Variants in CGN observed in about 807,000 individuals in gnomAD.
CGN encodes the protein cingulin.
A neutral mutation model predicts 157.1 loss-of-function variants in CGN; 121 were observed. The ratio of observed to expected loss-of-function variants is 0.77; its 90% CI spans 0.66 to 0.90. The LOEUF is 0.90. CGN is among the 40% of genes least tolerant of loss of function. CGN has a pLI of 0.00. For synonymous variants in CGN, 535 were observed against 607.5 expected (o/e 0.88, Z 1.76); for missense variants, 1,424 against 1,520.9 (o/e 0.94, Z 1.06).
chr1:151,529,303 C>G, intron 10 of CGN, 47 bp from the exon 11 acceptor site: 2 of 1,522,620 alleles, frequency 1.3e-6, no homozygotes, highest in Non-Finnish European at 1.8e-6. Context: ...ATTCAGGTAT[C>G]TTAGTCTGGC....
chr1:151,513,513 G>A (rs1379347476), intron 1 of CGN, among the ~76,000 whole-genome samples: 1 of 152,158 alleles, frequency 6.6e-6, no homozygotes, highest in African/African-American at 2.4e-5. Flanking sequence ...TGCTTTCCTT[G>A]TTTCCTCTGA....
Position 151,531,143 on chromosome 1 carries a change from GA to G in CGN, c.2571+410del, listed in dbSNP as rs1034896438. 5.2e-3 allele frequency among the ~76,000 whole-genome samples: 711 copies of G among 136,408 alleles called. 4 individuals are homozygous for G. Among genetic ancestry groups the G allele is most frequent in the African/African-American group, 0.015 (570 of 37,238 alleles). 89.5% of individuals were successfully genotyped at this position (136,408 alleles called of 152,430 possible). A position where few individuals can be genotyped will look rare whatever the true frequency, so the allele number is the denominator to read the frequency against. On this transcript the variant is annotated intron_variant, in intron 13 of 20. Transcript: ENST00000271636. The stretch of plus-strand genomic sequence containing the variant: ...GTGACAGAGCAAGACTCTGTCTTAA[GA>G]AAAAAAAAAAAAGAATGTGTGATGT...
intron 20 of CGN, 85 bp from the exon 21 acceptor site, chr1:151,537,120 T>C: frequency 6.8e-7 from 1 of 1,463,176 alleles, no homozygotes. Flanking sequence ...CTTAGAAGAA[T>C]TGGGGTTTCC....
At chr1:151,531,120 G>T (rs1023376213) in intron 13 of CGN, among the ~76,000 whole-genome samples, 3 of 151,594 alleles carry the variant, frequency 2.0e-5, no homozygotes, top group African/African-American at 7.3e-5. Flanking sequence ...CAGCCTGGGT[G>T]ACAGAGCAAG....
At chr1:151,529,308 T>G (rs997548250) in intron 10 of CGN, 42 bp from the exon 11 acceptor site, 2 of 1,547,826 alleles carry the variant, frequency 1.3e-6, no homozygotes, top group African/African-American at 1.4e-5. Flanking sequence ...GGTATCTTAG[T>G]CTGGCTCTGG....
At chr1:151,520,335 C>A in intron 3 of CGN, 69 bp downstream of exon 3, 1 of 1,568,948 alleles carries the variant, frequency 6.4e-7, no homozygotes, top group African/African-American at 1.4e-5. Context: ...TGTTTCCCAT[C>A]TTCCCTGATT....
intron 20 of CGN, 67 bp from the exon 21 acceptor site, chr1:151,537,138 A>G: frequency 6.5e-7 from 1 of 1,531,384 alleles, no homozygotes; most frequent in Non-Finnish European, 8.8e-7. Context: ...TCCTTTGTAC[A>G]AAAAGGGTGG....
intron 16 of CGN, among the ~76,000 whole-genome samples, chr1:151,535,348 C>T (rs1448044508): frequency 6.6e-6 from 1 of 152,144 alleles, no homozygotes; most frequent in East Asian, 1.9e-4. Flanking sequence ...TCCTGGTGGC[C>T]TGGGCTGTTC....
chr1:151,526,664 G>A (rs1286971401), intron 9 of CGN, among the ~76,000 whole-genome samples: 2 of 152,016 alleles, frequency 1.3e-5, no homozygotes, highest in South Asian at 4.1e-4. Context: ...TGTAGAGACG[G>A]GGTTTCATTA....
chr1:151,512,587 T>C (rs1048016589), intron 1 of CGN, among the ~76,000 whole-genome samples: 3 of 152,174 alleles, frequency 2.0e-5, no homozygotes, highest in African/African-American at 7.2e-5. Context: ...AAGGTGCACC[T>C]TGGGGCCCAG....
chr1:151,519,492 C>T (rs1664492482), intron 2 of CGN, 100 bp downstream of exon 2: 1 of 1,098,402 alleles, frequency 9.1e-7, no homozygotes, highest in African/African-American at 1.6e-5. Context: ...ATTCAAATAG[C>T]CTAGGCAGAA....
intron 1 of CGN, among the ~76,000 whole-genome samples, chr1:151,514,653 T>C (rs1296125049): frequency 6.6e-6 from 1 of 152,102 alleles, no homozygotes; most frequent in African/African-American, 2.4e-5. Flanking sequence ...GCTTATTATC[T>C]CGTAGGGGAG....
In CGN at chr1:151,534,008, C is replaced by T; in HGVS notation, c.2776C>T (p.Gln926Ter). ...QRLRQALQAS[Q>*]AERDTARLDK... is the part of the protein sequence containing the mutation. The stretch of plus-strand genomic sequence containing the variant: ...GCTGCGGCAGGCCCTGCAGGCATCC[C>T]AGGCTGAGCGGGACACAGCCCGGCT... The change falls in exon 15 of 21, where the codon CAG (glutamine) becomes TAG (stop). Residue 926 changes from glutamine to a stop codon, truncating the protein, a stop_gained. Coordinates refer to ENST00000271636, the MANE Select transcript of CGN (RefSeq NM_020770.3). LOFTEE classifies it high-confidence loss of function. 6.2e-7 allele frequency: 1 copy of T among 1,612,526 alleles called. No homozygotes were observed. The highest frequency in any genetic ancestry group is 8.5e-7 in the Non-Finnish European group (1 of 1,179,754).
rs762039462 is a variant in CGN, at chr1:151,530,100, G to C, written c.2298G>C (p.Lys766Asn). 1 of 1,612,324 alleles carries C rather than the reference G, an allele frequency of 6.2e-7. No homozygotes were observed. The highest frequency in any genetic ancestry group is 1.1e-5 in the South Asian group (1 of 91,016). ...GEAVEARLRD[K>N]LQRLEAEKQQ... is the part of the protein sequence containing the mutation. ...CGGTGGAGGCACGACTACGGGACAA[G>C]CTGCAGCGGCTGGAGGTCAGTGGTT... The change falls in exon 12 of 21, where the codon AAG becomes AAC. Residue 766 changes from lysine to asparagine, a missense_variant. Coordinates refer to ENST00000271636, the MANE Select transcript of CGN (RefSeq NM_020770.3).
Position 151,532,561 on chromosome 1 carries a change from C to A in CGN, c.2731C>A (p.Leu911Ile). ...GAAGACCTCTGGAGGACTGAGCCGACTTCAGGATGAGGTAGAAGTCTAATA... is the reference window on the plus strand; with the variant it reads ...GAAGACCTCTGGAGGACTGAGCCGAATTCAGGATGAGGTAGAAGTCTAATA... ...AEKTSGGLSR[L>I]QDEIQRLRQA... The change falls in exon 14 of 21, where the codon CTT becomes ATT. Residue 911 changes from leucine (L) to isoleucine (I), a missense_variant. This residue lies in a region of CGN where 1,187 missense variants were observed against 1,217.6 expected (regional missense o/e 0.97). Transcript: ENST00000271636. The A allele has an allele frequency of 3.3e-6, 5 of 1,526,102 alleles. No individual in the cohort carries two copies. The South Asian group carries it at 6.2e-5, about 19-fold the overall frequency. 94.5% of individuals were successfully genotyped at this position (1,526,102 alleles called of 1,614,324 possible).
At chr1:151,534,478 A>G in intron 15 of CGN, 1 of 301,486 alleles carries the variant, frequency 3.3e-6, no homozygotes, top group South Asian at 3.3e-5. Context: ...CAGCAAACAT[A>G]TTGTGCTGTG....
At chr1:151,529,701 A>G in intron 11 of CGN, 142 bp downstream of exon 11, 1 of 871,806 alleles carries the variant, frequency 1.1e-6, no homozygotes, top group Non-Finnish European at 1.8e-6. Flanking sequence ...CAAAGAAGCC[A>G]GGATTTGGCA....
chr1:151,526,731 C>T (rs1477816933), intron 9 of CGN, among the ~76,000 whole-genome samples: 1 of 152,214 alleles, frequency 6.6e-6, no homozygotes, highest in Non-Finnish European at 1.5e-5. Context: ...GCCTTGGCCT[C>T]CCAAATTGCT....
Position 151,536,341 on chromosome 1 carries a change from AC to A in CGN, c.3304del (p.Gln1102SerfsTer2). ...DERQHVNDQK[D>X]QLSLRVKALK... ...CGGCAGCATGTCAATGACCAGAAAGACCAGGTGAGGACATGGCACCCTGGAG... is the reference window on the plus strand; with the variant it reads ...CGGCAGCATGTCAATGACCAGAAAGACAGGTGAGGACATGGCACCCTGGAG... On this transcript the variant is annotated frameshift_variant, in exon 19 of 21. Coordinates refer to ENST00000271636, the MANE Select transcript of CGN (RefSeq NM_020770.3). LOFTEE classifies it high-confidence loss of function. The A allele has an allele frequency of 6.3e-7, 1 of 1,586,310 alleles. No homozygotes were observed. Among genetic ancestry groups the A allele is most frequent in the Non-Finnish European group, 8.7e-7 (1 of 1,154,832 alleles).
Sources: gnomAD v4.1 joint callset for allele counts (sites outside exome capture counted in the v4.1 genomes callset) on GRCh38, gnomAD v4.1.1 for gene constraint, gnomAD v4.1.1 regional missense constraint, MANE v1.5 for transcripts, NCBI Gene and HGNC (gene_info 2026-07-23, HGNC 2026-07-21) for gene names.